Variants in LAMA2 observed in about 807,000 individuals in gnomAD.
The protein encoded by LAMA2 is laminin subunit alpha-2.
Under a neutral mutation model 364.8 loss-of-function variants are expected in LAMA2, and 269 were observed. The ratio of observed to expected loss-of-function variants is 0.74; its 90% CI spans 0.67 to 0.82. The LOEUF is 0.82. Among genes scored for constraint, LAMA2 ranks in the 40% least tolerant of loss-of-function variants. The pLI is 0.00. For synonymous variants in LAMA2, 1,379 were observed against 1,370.6 expected, an observed-to-expected ratio of 1.01 and a Z score of -0.14; for missense variants, 3,807 against 3,873.2, an observed-to-expected ratio of 0.98 and a Z score of 0.45.
At chr6:129,215,055 A>G (rs901117048) in intron 12 of LAMA2, among the ~76,000 whole-genome samples, 3 of 152,102 alleles carry the variant, frequency 2.0e-5, no homozygotes, top group Non-Finnish European at 4.4e-5. Flanking sequence ...TGTGTTTTTA[A>G]CTTCACATTC....
At chr6:128,979,041 T>G (rs1782700233) in intron 1 of LAMA2, among the ~76,000 whole-genome samples, 1 of 152,196 alleles carries the variant, frequency 6.6e-6, no homozygotes, top group Non-Finnish European at 1.5e-5. Flanking sequence ...AAGAATTTGG[T>G]GCATTATACT....
At chr6:129,513,333 A>G (rs1321519828) in intron 63 of LAMA2, among the ~76,000 whole-genome samples, 1 of 152,218 alleles carries the variant, frequency 6.6e-6, no homozygotes, top group Non-Finnish European at 1.5e-5. Context: ...AGGAGTGAAC[A>G]AATAAGTAAC....
intron 3 of LAMA2, among the ~76,000 whole-genome samples, chr6:129,068,737 A>T (rs143287281): frequency 6.6e-6 from 1 of 152,226 alleles, no homozygotes. Flanking sequence ...TTTCAGTTGT[A>T]TCTGTCACTA....
At chr6:129,269,449 A>C (rs1407530551) in intron 16 of LAMA2, among the ~76,000 whole-genome samples, 1 of 150,298 alleles carries the variant, frequency 6.7e-6, no homozygotes, top group Non-Finnish European at 1.5e-5. Flanking sequence ...TTTTAAGATG[A>C]TTTTTATTTG....
At chr6:129,241,397 A>C (rs1785388335) in intron 12 of LAMA2, among the ~76,000 whole-genome samples, 1 of 152,234 alleles carries the variant, frequency 6.6e-6, no homozygotes, top group Admixed American at 6.6e-5. Context: ...AAATGTTTAC[A>C]GTATTTTAAT....
At chr6:128,895,215 T>C (rs1039524532) in intron 1 of LAMA2, among the ~76,000 whole-genome samples, 1 of 152,158 alleles carries the variant, frequency 6.6e-6, no homozygotes, top group African/African-American at 2.4e-5. Context: ...GACATACATA[T>C]AGAAATCAAA....
intron 1 of LAMA2, among the ~76,000 whole-genome samples, chr6:129,019,865 C>T (rs1785311229): frequency 6.6e-6 from 1 of 152,124 alleles, no homozygotes; most frequent in African/African-American, 2.4e-5. Context: ...AGGCAGATCA[C>T]CTGAGGTCAG....
intron 29 of LAMA2, among the ~76,000 whole-genome samples, chr6:129,334,126 A>G (rs755840205): frequency 1.1e-4 from 17 of 152,232 alleles, no homozygotes; most frequent in Non-Finnish European, 2.1e-4. Flanking sequence ...ACTCCCACAC[A>G]GTAAGTGAGG....
chr6:129,250,034 C>A, intron 12 of LAMA2, 78 bp from the exon 13 acceptor site: 4 of 889,010 alleles, frequency 4.5e-6, no homozygotes, highest in East Asian at 2.4e-5. Context: ...CAATAAAATT[C>A]GTATACAACA....
chr6:129,495,350 C>CTAAT (rs1248319570), intron 58 of LAMA2, among the ~76,000 whole-genome samples: 1 of 152,108 alleles, frequency 6.6e-6, no homozygotes, highest in Non-Finnish European at 1.5e-5. Flanking sequence ...TATCTCATTT[C>CTAAT]TAATTACTAT....
At chr6:129,441,918 G>A (rs1782134229) in intron 43 of LAMA2, among the ~76,000 whole-genome samples, 1 of 152,072 alleles carries the variant, frequency 6.6e-6, no homozygotes, top group South Asian at 2.1e-4. Flanking sequence ...AGAAGGGTGA[G>A]GCTGCAGTGA....
chr6:129,200,584 G>C (rs1295948608), intron 12 of LAMA2, among the ~76,000 whole-genome samples: 1 of 151,616 alleles, frequency 6.6e-6, no homozygotes, highest in Non-Finnish European at 1.5e-5. Context: ...AAAGAAGTGG[G>C]GCTTTTTGGA....
intron 10 of LAMA2, among the ~76,000 whole-genome samples, chr6:129,184,227 T>C (rs1427859219): frequency 4.6e-5 from 7 of 152,088 alleles, no homozygotes; most frequent in South Asian, 2.1e-4. Flanking sequence ...AATGGTCACT[T>C]CATTAACTTG....
At chr6:129,201,736 A>G (rs1297924543) in intron 12 of LAMA2, among the ~76,000 whole-genome samples, 4 of 152,178 alleles carry the variant, frequency 2.6e-5, no homozygotes, top group East Asian at 1.9e-4. Flanking sequence ...CAAATCAAAA[A>G]CTACCAGGTA....
intron 22 of LAMA2, among the ~76,000 whole-genome samples, chr6:129,308,435 T>G (rs1472073914): frequency 3.3e-5 from 5 of 152,306 alleles, no homozygotes; most frequent in African/African-American, 1.2e-4. Flanking sequence ...AGTTGATACC[T>G]CATGTTCAAG....
At chr6:129,095,040 A>G (rs1458283175) in intron 3 of LAMA2, among the ~76,000 whole-genome samples, 1 of 152,268 alleles carries the variant, frequency 6.6e-6, no homozygotes, top group Non-Finnish European at 1.5e-5. Context: ...TGGCTATCCA[A>G]CTAAATGTAA....
chr6:129,471,597 G>C (rs966551148), intron 51 of LAMA2, among the ~76,000 whole-genome samples: 1 of 151,818 alleles, frequency 6.6e-6, no homozygotes, highest in South Asian at 2.1e-4. Context: ...TACCTTTGCC[G>C]ATCTAGATAA....
At chr6:129,429,227 G>A (rs1323111780) in intron 41 of LAMA2, among the ~76,000 whole-genome samples, 3 of 152,074 alleles carry the variant, frequency 2.0e-5, no homozygotes, top group East Asian at 3.9e-4. Flanking sequence ...CCACAATCAT[G>A]GACTAATTAA....
intron 9 of LAMA2, among the ~76,000 whole-genome samples, chr6:129,174,484 AGTGTGTGTGT>A (rs58286852): frequency 2.0e-5 from 3 of 147,004 alleles, no homozygotes; most frequent in African/African-American, 7.4e-5. Context: ...ATGTTTCGTA[AGTGTGTGTGT>A]GTGTGTGTGT....
Sources: gnomAD v4.1 joint callset for allele counts (sites outside exome capture counted in the v4.1 genomes callset) on GRCh38, gnomAD v4.1.1 for gene constraint, MANE v1.5 for transcripts, NCBI Gene and HGNC (gene_info 2026-07-23, HGNC 2026-07-21) for gene names.